MAN2A1: variants seen among roughly 807,000 people sequenced by gnomAD.
MAN2A1 encodes the protein mannosidase alpha class 2A member 1.
A neutral mutation model predicts 142.6 loss-of-function variants in MAN2A1; 76 were observed. The observed-to-expected ratio is 0.53, with a 90% CI of 0.44 to 0.65. The LOEUF is 0.65. Among genes scored for constraint, MAN2A1 ranks in the 30% least tolerant of loss-of-function variants. MAN2A1 has a pLI of 0.00. For synonymous variants in MAN2A1, 559 were observed against 473.2 expected, an observed-to-expected ratio of 1.18 and a Z score of -2.35; for missense variants, 1,311 against 1,365.1, an observed-to-expected ratio of 0.96 and a Z score of 0.62.
chr5:109,721,816 C>T (rs577984954), intron 3 of MAN2A1, among the ~76,000 whole-genome samples: 2 of 152,336 alleles, frequency 1.3e-5, no homozygotes, highest in Non-Finnish European at 2.9e-5. Context: ...CTTTGTCTGT[C>T]TTTCAAGCCT....
rs776919880 is a variant in MAN2A1 at position 109,784,812 on chromosome 5, C to T, written c.1646C>T (p.Ser549Leu). 8.7e-6 allele frequency: 14 copies of T among 1,612,306 alleles called. No homozygotes were observed. The highest frequency in any genetic ancestry group is 7.6e-6 in the Non-Finnish European group (9 of 1,179,262). ...AHKYKINKFL[S>L]SSLYTALTEA... ...AAATACAAGATAAATAAATTTCTCT[C>T]ATCATCACTTTACACGGCACTGACA... Residue 549 changes from serine (S) to leucine (L), a missense_variant, in exon 10 of 22, where the codon TCA becomes TTA. Ser to Leu is a moderately radical substitution (Grantham distance 145, BLOSUM62 -2). This residue lies in a region of MAN2A1 where 890 missense variants were observed against 920.5 expected (regional missense o/e 0.97). Coordinates refer to ENST00000261483, the MANE Select transcript of MAN2A1 (RefSeq NM_002372.4).
In MAN2A1 at chr5:109,865,095, T is replaced by C; in HGVS notation, c.3231T>C (p.Cys1077=). 1 of 1,614,066 alleles carries C rather than the reference T, an allele frequency of 6.2e-7. No individual in the cohort carries two copies. Among genetic ancestry groups the C allele is most frequent in the Non-Finnish European group, 8.5e-7 (1 of 1,179,954 alleles). The change falls in exon 21 of 22, where the codon TGT becomes TGC. Residue 1077 remains cysteine, a synonymous_variant. Transcript: ENST00000261483. The part of the protein sequence containing the change: ...ALILHRKGFD[C]RFSSKGTGLF... The stretch of plus-strand genomic sequence containing the variant: ...TCCTCCACAGAAAAGGGTTTGATTG[T>C]CGGTTCTCTAGCAAAGGCACAGGGC...
At chr5:109,709,542 G>A (rs1439344100) in intron 1 of MAN2A1, among the ~76,000 whole-genome samples, 5 of 152,164 alleles carry the variant, frequency 3.3e-5, no homozygotes, top group Non-Finnish European at 5.9e-5. Flanking sequence ...CAATACCAGC[G>A]GGTAGTGTCC....
chr5:109,730,456 T>C (rs924125133), intron 4 of MAN2A1, among the ~76,000 whole-genome samples: 2 of 152,178 alleles, frequency 1.3e-5, no homozygotes, highest in Non-Finnish European at 2.9e-5. Context: ...ATATTGCTTT[T>C]GCTGTCATGT....
At chr5:109,800,175 A>T (rs1243947464) in intron 12 of MAN2A1, among the ~76,000 whole-genome samples, 1 of 151,444 alleles carries the variant, frequency 6.6e-6, no homozygotes, top group East Asian at 1.9e-4. Context: ...GCACACATAC[A>T]CCATTTGCCT....
chr5:109,794,488 C>T (rs1050083861), intron 12 of MAN2A1, among the ~76,000 whole-genome samples: 4 of 151,958 alleles, frequency 2.6e-5, no homozygotes, highest in Non-Finnish European at 4.4e-5. Flanking sequence ...TGAAACTGGT[C>T]GGCTATATTT....
intron 20 of MAN2A1, among the ~76,000 whole-genome samples, chr5:109,858,726 T>C (rs945036527): frequency 6.6e-6 from 1 of 152,258 alleles, no homozygotes; most frequent in Non-Finnish European, 1.5e-5. Context: ...TAAGGACGCA[T>C]GTCTTCCTGC....
intron 16 of MAN2A1, among the ~76,000 whole-genome samples, chr5:109,835,871 G>A (rs192165930): frequency 2.0e-5 from 3 of 152,238 alleles, no homozygotes; most frequent in Admixed American, 2.0e-4. Flanking sequence ...TGAATTAGGC[G>A]GCTTCAGATA....
chr5:109,768,050 A>G (rs956588060), intron 6 of MAN2A1, among the ~76,000 whole-genome samples: 3 of 152,318 alleles, frequency 2.0e-5, no homozygotes, highest in South Asian at 2.1e-4. Flanking sequence ...ATCCAGTCAT[A>G]TATCTTATAT....
At position 109,806,482 on chromosome 5, in the gene MAN2A1, T is replaced by G. The variant is rs1754170137; in HGVS notation, c.1944-10791T>G. Among the ~76,000 whole-genome samples, 3 of 152,214 alleles carry G rather than the reference T, an allele frequency of 2.0e-5. No individual in the cohort carries two copies. In the South Asian group the frequency reaches 6.2e-4, roughly 32 times the overall value. On this transcript the variant is annotated intron_variant, in intron 12 of 21. Coordinates refer to ENST00000261483, the MANE Select transcript of MAN2A1 (RefSeq NM_002372.4). ...TCTGCTACGAGCTAAGTCATTTACT[T>G]AAATATAGCAAAAATATTCCTTTAA...
chr5:109,839,055 A>G (rs1755129153), intron 16 of MAN2A1, among the ~76,000 whole-genome samples: 1 of 152,096 alleles, frequency 6.6e-6, no homozygotes, highest in African/African-American at 2.4e-5. Context: ...ACAATATCTA[A>G]TCTAGAGAGA....
At chr5:109,799,113 G>A (rs961633248) in intron 12 of MAN2A1, among the ~76,000 whole-genome samples, 2 of 152,148 alleles carry the variant, frequency 1.3e-5, no homozygotes, top group Admixed American at 6.5e-5. Context: ...AGATGTCCCT[G>A]CCTCACACAT....
intron 10 of MAN2A1, among the ~76,000 whole-genome samples, chr5:109,787,263 G>A (rs2269208): frequency 0.072 from 10,915 of 151,982 alleles, 419 homozygotes; most frequent in African/African-American, 0.1. Context: ...CAGGGTGAGC[G>A]TGAGGGTCCT....
intron 4 of MAN2A1, among the ~76,000 whole-genome samples, chr5:109,733,169 G>C (rs374908011): frequency 0.069 from 10,522 of 152,160 alleles, 382 homozygotes; most frequent in African/African-American, 0.1. Flanking sequence ...CTGTTTGTCT[G>C]TTATTGGTGT....
At chr5:109,801,084 A>G (rs576143929) in intron 12 of MAN2A1, among the ~76,000 whole-genome samples, 18 of 152,186 alleles carry the variant, frequency 1.2e-4, no homozygotes, top group Non-Finnish European at 2.2e-4. Flanking sequence ...ACTGCATACA[A>G]CAGAAACCTT....
chr5:109,805,970 A>C (rs1367312078), intron 12 of MAN2A1, among the ~76,000 whole-genome samples: 1 of 152,206 alleles, frequency 6.6e-6, no homozygotes, highest in Non-Finnish European at 1.5e-5. Context: ...CTGGGTAGTG[A>C]AACAACCGCT....
At chr5:109,710,064 A>G (rs13181640) in intron 1 of MAN2A1, among the ~76,000 whole-genome samples, 381 of 152,296 alleles carry the variant, frequency 2.5e-3, no homozygotes, top group Non-Finnish European at 4.5e-3. Flanking sequence ...GGGAGACTTT[A>G]TTCCACCGCA....
Position 109,746,706 on chromosome 5 carries a change from A to T in MAN2A1, c.708-8623A>T, listed in dbSNP as rs187303414. On this transcript the variant is annotated intron_variant, in intron 4 of 21. Transcript: ENST00000261483. ...ACATCATTGTGCAGCTGTTACTACC[A>T]TCCATCTCTAGAACTTTGTCATCAC... 1.6e-3 allele frequency among the ~76,000 whole-genome samples: 247 copies of T among 152,092 alleles called. 2 individuals carry two copies. The highest frequency in any genetic ancestry group is 5.6e-3 in the African/African-American group (233 of 41,492).
chr5:109,741,780 TAAAG>T, intron 4 of MAN2A1, among the ~76,000 whole-genome samples: 1 of 152,204 alleles, frequency 6.6e-6, no homozygotes, highest in Admixed American at 6.5e-5. Context: ...TCTAGTTAAC[TAAAG>T]AGAGATCTAC....
Sources: gnomAD v4.1 joint callset for allele counts (sites outside exome capture counted in the v4.1 genomes callset) on GRCh38, gnomAD v4.1.1 for gene constraint, gnomAD v4.1.1 regional missense constraint, MANE v1.5 for transcripts, NCBI Gene and HGNC (gene_info 2026-07-23, HGNC 2026-07-21) for gene names.